Variants in PTPRK observed in about 807,000 individuals in gnomAD.
PTPRK encodes the protein receptor-type tyrosine-protein phosphatase kappa.
PTPRK carries 75 observed loss-of-function variants against 178.0 expected under a neutral mutation model. The observed-to-expected ratio is 0.42, with a 90% CI of 0.35 to 0.51. The LOEUF is 0.51. Ranked by LOEUF, PTPRK falls within the 20% of genes least tolerant of loss-of-function variation. PTPRK has a pLI of 0.02. For synonymous variants in PTPRK, 637 were observed against 620.6 expected (o/e 1.03, Z -0.39); for missense variants, 1,441 against 1,797.8 (o/e 0.80, Z 3.59).
chr6:128,419,599 G>T (rs9491946), intron 1 of PTPRK, among the ~76,000 whole-genome samples: 1,563 of 148,836 alleles, frequency 0.011, 35 homozygotes, highest in African/African-American at 0.037. Flanking sequence ...GCGACAGAGC[G>T]AGACTCCGTC....
rs768014865 is a variant in PTPRK, at chr6:127,977,030, T to C, written c.3736A>G (p.Ile1246Val). 4.3e-6 allele frequency: 7 copies of C among 1,613,942 alleles called. No individual in the cohort carries two copies. The African/African-American group carries it at 9.3e-5, about 22-fold the overall frequency. The change falls in exon 26 of 30, where the codon ATC (isoleucine) becomes GTC (valine). Residue 1246 changes from isoleucine (I) to valine (V), a missense_variant. Transcript: ENST00000368226. The part of the protein sequence containing the change: ...MDSYRQPAAF[I>V]VTQYPLPNTV... ...TTTGGCAGAGGGTATTGTGTGACGATGAAAGCAGCTGGTTGCCTGTAGCTC... is the reference window on the plus strand; with the variant it reads ...TTTGGCAGAGGGTATTGTGTGACGACGAAAGCAGCTGGTTGCCTGTAGCTC...
intron 22 of PTPRK, among the ~76,000 whole-genome samples, chr6:127,985,009 T>C (rs1011398858): frequency 7.2e-5 from 11 of 152,330 alleles, no homozygotes; most frequent in Non-Finnish European, 1.3e-4. Flanking sequence ...CAACCTATTA[T>C]GTAGCTTGGA....
intron 1 of PTPRK, among the ~76,000 whole-genome samples, chr6:128,467,983 C>A (rs1489473641): frequency 6.6e-6 from 1 of 152,162 alleles, no homozygotes; most frequent in Non-Finnish European, 1.5e-5. Context: ...AGATATAATC[C>A]TTTGCCCTCT....
At chr6:127,995,110 G>T in intron 18 of PTPRK, 2 of 807,460 alleles carry the variant, frequency 2.5e-6, no homozygotes, top group South Asian at 2.0e-5. Flanking sequence ...ACAAAAAAAC[G>T]AACAGAGATA....
At chr6:128,135,582 G>C (rs1448987813) in intron 7 of PTPRK, among the ~76,000 whole-genome samples, 3 of 152,140 alleles carry the variant, frequency 2.0e-5, no homozygotes, top group East Asian at 3.9e-4. Flanking sequence ...AAGGTGTATG[G>C]CCAGCCTGCT....
intron 3 of PTPRK, among the ~76,000 whole-genome samples, chr6:128,269,274 G>C (rs1819416448): frequency 1.3e-5 from 2 of 151,942 alleles, no homozygotes; most frequent in African/African-American, 2.4e-5. Flanking sequence ...CTCTTAGAAA[G>C]CATCTGTAAT....
At chr6:128,385,845 T>C (rs1562409983) in intron 2 of PTPRK, among the ~76,000 whole-genome samples, 2 of 152,336 alleles carry the variant, frequency 1.3e-5, no homozygotes, top group East Asian at 3.9e-4. Flanking sequence ...AGAGCTGATA[T>C]CACCTAGACA....
At chr6:128,510,701 CACAG>C (rs1453591464) in intron 1 of PTPRK, among the ~76,000 whole-genome samples, 1 of 152,170 alleles carries the variant, frequency 6.6e-6, no homozygotes, top group Non-Finnish European at 1.5e-5. Flanking sequence ...CTCTTGCATT[CACAG>C]ACATATTATC....
intron 2 of PTPRK, among the ~76,000 whole-genome samples, chr6:128,346,362 G>T (rs1249045130): frequency 1.3e-5 from 2 of 151,990 alleles, no homozygotes; most frequent in Non-Finnish European, 1.5e-5. Flanking sequence ...TTTTTTGTGT[G>T]ATCTTAAGTA....
intron 3 of PTPRK, among the ~76,000 whole-genome samples, chr6:128,295,493 A>G (rs762160415): frequency 6.6e-6 from 1 of 152,144 alleles, no homozygotes; most frequent in Non-Finnish European, 1.5e-5. Flanking sequence ...AAAAGCAATG[A>G]TCTACTAACA....
At chr6:128,296,654 C>T (rs1824459122) in intron 3 of PTPRK, among the ~76,000 whole-genome samples, 1 of 152,076 alleles carries the variant, frequency 6.6e-6, no homozygotes, top group Non-Finnish European at 1.5e-5. Flanking sequence ...AAATAAAATA[C>T]TTTACAGACA....
intron 6 of PTPRK, among the ~76,000 whole-genome samples, chr6:128,200,796 AAGAC>A (rs1412611514): frequency 2.0e-5 from 3 of 147,846 alleles, no homozygotes; most frequent in Non-Finnish European, 3.0e-5. Context: ...AAAAGAAAAA[AAGAC>A]AGAAAGAGAG....
intron 6 of PTPRK, among the ~76,000 whole-genome samples, chr6:128,195,377 C>A (rs2128254059): frequency 6.6e-6 from 1 of 152,038 alleles, no homozygotes; most frequent in South Asian, 2.1e-4. Flanking sequence ...ATGAAACCAA[C>A]AACTGATGAC....
rs375465891 is a variant in PTPRK at position 128,496,118 on chromosome 6, A to G, written c.100+24141T>C. ...TAAAAGTCCAGGATGAAAAGTCCAC[A>G]ATGAAAAGGACTATGACCTCAGTCC... On this transcript the variant is annotated intron_variant, in intron 1 of 29. Coordinates refer to ENST00000368226, the MANE Select transcript of PTPRK (RefSeq NM_002844.4). 6.6e-5 allele frequency among the ~76,000 whole-genome samples: 10 copies of G among 152,170 alleles called. No individual in the cohort carries two copies. The East Asian group carries it at 1.5e-3, about 23-fold the overall frequency.
rs376245074 is a variant in PTPRK at position 128,005,206 on chromosome 6, G to A, written c.2372C>T (p.Thr791Ile). ...AKKRKDAMGN[T>I]RQEMTHMVNA... The stretch of plus-strand genomic sequence containing the variant: ...CACCATGTGAGTCATCTCCTGCCGG[G>A]TATTCCCCATGGCATCTTTGCGTTT... The change falls in exon 15 of 30, where the codon ACC (threonine) becomes ATC (isoleucine). Residue 791 changes from threonine (T) to isoleucine (I), a missense_variant. Around this residue, in one of 4 missense-constraint regions of PTPRK, gnomAD observed 945 missense variants for 1,080.6 expected, o/e 0.87. Transcript: ENST00000368226. 2.0e-4 allele frequency: 328 copies of A among 1,611,202 alleles called. No individual in the cohort carries two copies. Among genetic ancestry groups the A allele is most frequent in the Non-Finnish European group, 2.7e-4 (320 of 1,178,406 alleles).
rs147476619 is a variant in PTPRK, at chr6:128,060,514, ATTC to A, written c.2194+4241_2194+4243del. ...TGTGCTCTAATATATCAACTCATTC[ATTC>A]TGGTTAATTCATTTGAATAGGTCCT... On this transcript the variant is annotated intron_variant, in intron 13 of 29. Transcript: ENST00000368226. Among the ~76,000 whole-genome samples the A allele has an allele frequency of 3.4e-3, 523 of 152,266 alleles. 2 individuals carry two copies. Among genetic ancestry groups the A allele is most frequent in the African/African-American group, 0.012 (501 of 41,572 alleles).
chr6:128,377,820 C>T (rs886277499), intron 2 of PTPRK, among the ~76,000 whole-genome samples: 3 of 151,796 alleles, frequency 2.0e-5, no homozygotes, highest in Non-Finnish European at 4.4e-5. Context: ...GGAAGGTCAA[C>T]TAAAATGAGA....
chr6:128,400,248 G>GAGTT (rs1379763242), intron 1 of PTPRK, among the ~76,000 whole-genome samples: 2 of 152,112 alleles, frequency 1.3e-5, no homozygotes, highest in African/African-American at 4.8e-5. Flanking sequence ...AGGTTTCAAT[G>GAGTT]AGTTACTCAT....
chr6:128,053,606 C>A (rs1467503104), intron 13 of PTPRK, among the ~76,000 whole-genome samples: 1 of 152,146 alleles, frequency 6.6e-6, no homozygotes, highest in South Asian at 2.1e-4. Context: ...AAAACCCCAA[C>A]AGTTCACCTC....
Sources: allele counts gnomAD v4.1 joint callset (sites outside exome capture counted in the v4.1 genomes callset), GRCh38; gene constraint gnomAD v4.1.1; regional missense constraint gnomAD v4.1.1; transcripts MANE v1.5; gene names NCBI Gene and HGNC (gene_info 2026-07-23, HGNC 2026-07-21).